Variants in ANKS1B observed in about 807,000 individuals in gnomAD.
ANKS1B encodes ankyrin repeat and sterile alpha motif domain containing 1B, also known as ankyrin repeat and sterile alpha motif domain-containing protein 1B.
Under a neutral mutation model 148.3 loss-of-function variants are expected in ANKS1B, and 36 were observed. The observed-to-expected ratio is 0.24, with a 90% CI of 0.19 to 0.32. The LOEUF (loss-of-function observed/expected upper bound fraction) is 0.32. Among genes scored for constraint, ANKS1B ranks in the 10% least tolerant of loss-of-function variants. ANKS1B has a pLI of 1.00. For missense variants in ANKS1B, 1,157 were observed against 1,542.6 expected, an observed-to-expected ratio of 0.75 and a Z score of 4.19; for synonymous variants, 542 against 560.8, an observed-to-expected ratio of 0.97 and a Z score of 0.47.
intron 11 of ANKS1B, among the ~76,000 whole-genome samples, chr12:99,424,785 C>T (rs927204672): frequency 2.0e-5 from 3 of 151,814 alleles, no homozygotes; most frequent in African/African-American, 4.8e-5. Context: ...TATTTGAATC[C>T]TTGTGGATGA....
intron 4 of ANKS1B, among the ~76,000 whole-genome samples, chr12:99,791,389 T>C (rs555467515): frequency 6.6e-6 from 1 of 151,928 alleles, no homozygotes; most frequent in Admixed American, 6.6e-5. Context: ...AATCAACAGA[T>C]AAACATTGGT....
chr12:99,010,220 T>C (rs961882662), intron 17 of ANKS1B, among the ~76,000 whole-genome samples: 2 of 152,246 alleles, frequency 1.3e-5, no homozygotes, highest in South Asian at 4.1e-4. Flanking sequence ...TGCCCCTTCC[T>C]ACCTTGGGGA....
intron 1 of ANKS1B, among the ~76,000 whole-genome samples, chr12:99,929,506 G>A (rs202098184): frequency 3.9e-5 from 6 of 152,064 alleles, no homozygotes; most frequent in East Asian, 1.9e-4. Flanking sequence ...GTTTAATTAG[G>A]TCCCATTTGT....
intron 10 of ANKS1B, among the ~76,000 whole-genome samples, chr12:99,475,386 C>A (rs1217660051): frequency 6.6e-6 from 1 of 151,020 alleles, no homozygotes; most frequent in African/African-American, 2.4e-5. Flanking sequence ...ACAATAAACA[C>A]CTATAAATGG....
In ANKS1B at chr12:99,711,629, A is replaced by C. The variant is rs555893261; in HGVS notation, c.1129-56419T>G. On this transcript the variant is annotated intron_variant, in intron 8 of 26. Coordinates refer to ENST00000683438, the MANE Select transcript of ANKS1B (RefSeq NM_001352186.2). The stretch of plus-strand genomic sequence containing the variant: ...TATCAATGATCATTAGAGAAATGCA[A>C]ATCAAAACCACAATGAGATACCATC... Among the ~76,000 whole-genome samples the C allele has an allele frequency of 3.3e-4, 50 of 152,324 alleles. 1 individual carries two copies. The highest frequency in any genetic ancestry group is 1.2e-3 in the African/African-American group (50 of 41,582).
intron 12 of ANKS1B, among the ~76,000 whole-genome samples, chr12:99,288,327 A>G (rs2079423785): frequency 6.6e-6 from 1 of 152,194 alleles, no homozygotes; most frequent in Admixed American, 6.6e-5. Flanking sequence ...ATATCCTTCA[A>G]ACATGAAGGA....
intron 9 of ANKS1B, among the ~76,000 whole-genome samples, chr12:99,627,801 T>C (rs1403620937): frequency 6.6e-6 from 1 of 152,138 alleles, no homozygotes; most frequent in African/African-American, 2.4e-5. Flanking sequence ...AAGAAATTCT[T>C]TGCATGTTAA....
intron 9 of ANKS1B, among the ~76,000 whole-genome samples, chr12:99,565,520 G>T (rs980035688): frequency 5.9e-5 from 9 of 152,150 alleles, no homozygotes; most frequent in Admixed American, 5.9e-4. Flanking sequence ...GAAATCCAGG[G>T]AGTAAATGGG....
At chr12:99,737,827 T>C (rs2059755670) in intron 8 of ANKS1B, among the ~76,000 whole-genome samples, 1 of 152,204 alleles carries the variant, frequency 6.6e-6, no homozygotes, top group African/African-American at 2.4e-5. Flanking sequence ...AGCAATTCAA[T>C]TGCCCTGGGC....
chr12:99,000,073 G>T (rs1430924357), intron 17 of ANKS1B, among the ~76,000 whole-genome samples: 1 of 151,860 alleles, frequency 6.6e-6, no homozygotes, highest in Non-Finnish European at 1.5e-5. Flanking sequence ...GAAACGGGTG[G>T]GTAGAAGAAG....
At chr12:99,513,637 T>C in intron 9 of ANKS1B, among the ~76,000 whole-genome samples, 1 of 152,178 alleles carries the variant, frequency 6.6e-6, no homozygotes, top group Admixed American at 6.6e-5. Flanking sequence ...ACCTGGGATA[T>C]GGTTCACTTT....
intron 22 of ANKS1B, among the ~76,000 whole-genome samples, chr12:98,784,997 G>A (rs2098777188): frequency 6.6e-6 from 1 of 152,172 alleles, no homozygotes; most frequent in Non-Finnish European, 1.5e-5. Context: ...CAGCCAGAGA[G>A]TTCAAAGGGA....
chr12:98,829,149 A>G lies in ANKS1B; in HGVS notation c.3066+25T>C, dbSNP rs968787545. 1.2e-6 allele frequency: 2 copies of G among 1,613,548 alleles called. No individual in the cohort carries two copies. The highest frequency in any genetic ancestry group is 1.3e-5 in the African/African-American group (1 of 74,996). ...GCATTACCTGATATGGTTGAAAAAT[A>G]TCACAAAGGCTTATAACACCTTACC... On this transcript the variant is annotated intron_variant, in intron 19 of 26. Coordinates refer to ENST00000683438, the MANE Select transcript of ANKS1B (RefSeq NM_001352186.2). The surrounding 1 kb of genome is among the most constrained non-coding windows in gnomAD (Gnocchi z 5.2).
At chr12:99,875,310 T>A (rs1184337932) in intron 1 of ANKS1B, among the ~76,000 whole-genome samples, 1 of 152,140 alleles carries the variant, frequency 6.6e-6, no homozygotes, top group Non-Finnish European at 1.5e-5. Context: ...CTTAAGTTTT[T>A]TACTTGCATG....
chr12:98,938,374 G>A lies in ANKS1B; in HGVS notation c.2779-106238C>T, dbSNP rs575183872. The stretch of plus-strand genomic sequence containing the variant: ...CCTGTAGACACTGGTTTTCAACCCC[G>A]GGAGCTTTCAAAAATATCAGTGCCC... On this transcript the variant is annotated intron_variant, in intron 17 of 26. Coordinates refer to ENST00000683438, the MANE Select transcript of ANKS1B (RefSeq NM_001352186.2). Among the ~76,000 whole-genome samples the A allele has an allele frequency of 2.0e-5, 3 of 152,218 alleles. No individual in the cohort carries two copies. The South Asian group carries it at 6.2e-4, about 32-fold the overall frequency.
intron 15 of ANKS1B, among the ~76,000 whole-genome samples, chr12:99,120,220 C>T (rs2062420282): frequency 6.6e-6 from 1 of 152,152 alleles, no homozygotes. Context: ...AACCGGAGTG[C>T]CTGGAGAAAA....
intron 15 of ANKS1B, among the ~76,000 whole-genome samples, chr12:99,118,409 G>C (rs2153718549): frequency 6.6e-6 from 1 of 152,266 alleles, no homozygotes; most frequent in Non-Finnish European, 1.5e-5. Flanking sequence ...TGGTTACACT[G>C]CATATGAGAA....
chr12:99,305,380 T>C (rs2082204562), intron 12 of ANKS1B, among the ~76,000 whole-genome samples: 2 of 152,144 alleles, frequency 1.3e-5, no homozygotes, highest in Admixed American at 6.6e-5. Context: ...ATTATCTGAC[T>C]CATGTCAGGA....
intron 9 of ANKS1B, among the ~76,000 whole-genome samples, chr12:99,637,081 G>GGATCATTTGAGGTCAGGAGTTCAA (rs1428715377): frequency 5.3e-5 from 8 of 152,208 alleles, no homozygotes; most frequent in South Asian, 4.1e-4. Context: ...CAAGGTGGGT[G>GGATCATTTGAGGTCAGGAGTTCAA]GATCATTTGA....
Sources: gnomAD v4.1 joint callset for allele counts (sites outside exome capture counted in the v4.1 genomes callset) on GRCh38, gnomAD v4.1.1 for gene constraint, Gnocchi (gnomAD v3.1) non-coding constraint, MANE v1.5 for transcripts, NCBI Gene and HGNC (gene_info 2026-07-23, HGNC 2026-07-21) for gene names.